Variants in SGCZ observed in about 807,000 individuals in gnomAD.
SGCZ encodes sarcoglycan zeta.
SGCZ carries 40 observed loss-of-function variants against 41.3 expected under a neutral mutation model. The observed-to-expected ratio is 0.97, with a 90% CI of 0.75 to 1.26. SGCZ has a LOEUF of 1.26. Ranked by LOEUF, SGCZ falls within the 50% of genes most tolerant of loss-of-function variation. The pLI, the probability that SGCZ is intolerant of heterozygous loss-of-function variation, is 0.00. For synonymous variants in SGCZ, 206 were observed against 137.5 expected (o/e 1.50, Z -3.49); for missense variants, 552 against 369.8 (o/e 1.49, Z -4.04).
At chr8:14,152,082 A>C (rs947421675) in intron 5 of SGCZ, among the ~76,000 whole-genome samples, 4 of 152,148 alleles carry the variant, frequency 2.6e-5, no homozygotes, top group African/African-American at 9.7e-5. Context: ...TAGGCATTGG[A>C]TCTCAAAAAT....
Position 14,919,703 on chromosome 8 carries a change from A to G in SGCZ, c.39+317882T>C, listed in dbSNP as rs1799535821. Among the ~76,000 whole-genome samples, 7 of 152,122 alleles carry G rather than the reference A, an allele frequency of 4.6e-5. No individual in the cohort carries two copies. The South Asian group carries it at 1.5e-3, about 32-fold the overall frequency. On this transcript the variant is annotated intron_variant, in intron 1 of 7. Transcript: ENST00000382080. ...GAGGACGAGGCAGGCAGATCACTTG[A>G]GTTCAGGAGTTTGAGACCAAACTGG...
chr8:14,826,061 C>T (rs1459032952), intron 1 of SGCZ, among the ~76,000 whole-genome samples: 1 of 151,070 alleles, frequency 6.6e-6, no homozygotes, highest in African/African-American at 2.4e-5. Context: ...TAGCATTAGG[C>T]ATATCTCCTA....
intron 1 of SGCZ, among the ~76,000 whole-genome samples, chr8:14,741,361 C>A (rs924194859): frequency 4.6e-5 from 7 of 151,966 alleles, no homozygotes; most frequent in African/African-American, 1.2e-4. Context: ...TACAGTAGAT[C>A]CTCACAAAGG....
At chr8:14,946,497 T>C (rs11787321) in intron 1 of SGCZ, among the ~76,000 whole-genome samples, 5,400 of 152,088 alleles carry the variant, frequency 0.036, 127 homozygotes, top group East Asian at 0.088. Flanking sequence ...ACCTGTGTAA[T>C]TGAGTTCTCC....
intron 1 of SGCZ, among the ~76,000 whole-genome samples, chr8:14,704,287 T>C (rs1809259298): frequency 6.6e-6 from 1 of 152,006 alleles, no homozygotes; most frequent in African/African-American, 2.4e-5. Flanking sequence ...ATTCAGTTTC[T>C]TTAACATAGC....
chr8:14,478,986 C>T (rs192690932), intron 2 of SGCZ, among the ~76,000 whole-genome samples: 4 of 152,326 alleles, frequency 2.6e-5, no homozygotes, highest in Non-Finnish European at 5.9e-5. Context: ...GCCCACCCCT[C>T]TAACTGTGAC....
intron 1 of SGCZ, among the ~76,000 whole-genome samples, chr8:14,838,336 A>G (rs924833092): frequency 6.6e-6 from 1 of 152,208 alleles, no homozygotes; most frequent in Non-Finnish European, 1.5e-5. Context: ...GGCTATTGAG[A>G]GACTGCCCCT....
At chr8:14,507,072 G>C (rs141024233) in intron 2 of SGCZ, among the ~76,000 whole-genome samples, 14 of 151,372 alleles carry the variant, frequency 9.2e-5, no homozygotes, top group African/African-American at 2.9e-4. Flanking sequence ...AGCTCCACTT[G>C]GATGTCAAAT....
intron 1 of SGCZ, among the ~76,000 whole-genome samples, chr8:15,131,690 G>C (rs762805131): frequency 1.2e-4 from 18 of 152,114 alleles, no homozygotes; most frequent in Non-Finnish European, 2.2e-4. Context: ...TTTTCCTGCA[G>C]AACAGTTATT....
chr8:14,480,512 G>A (rs903137915), intron 2 of SGCZ, among the ~76,000 whole-genome samples: 6 of 151,994 alleles, frequency 3.9e-5, no homozygotes, highest in African/African-American at 7.3e-5. Context: ...CCACTTTCAT[G>A]ACTTCGTTAT....
At chr8:14,260,104 G>C (rs1799603049) in intron 3 of SGCZ, among the ~76,000 whole-genome samples, 1 of 151,956 alleles carries the variant, frequency 6.6e-6, no homozygotes, top group Non-Finnish European at 1.5e-5. Flanking sequence ...TCATGATTTG[G>C]CTCTCTGTTT....
chr8:14,133,476 C>G (rs145495082), intron 5 of SGCZ, among the ~76,000 whole-genome samples: 3 of 152,212 alleles, frequency 2.0e-5, no homozygotes, highest in African/African-American at 7.2e-5. Context: ...AGACAGGTTA[C>G]AAGAGACACA....
At chr8:15,210,625 T>C (rs1801205829) in intron 1 of SGCZ, among the ~76,000 whole-genome samples, 1 of 152,150 alleles carries the variant, frequency 6.6e-6, no homozygotes, top group Non-Finnish European at 1.5e-5. Context: ...CTTTCCATCT[T>C]CCTGAATGAC....
chr8:14,900,751 G>A (rs575790579), intron 1 of SGCZ, among the ~76,000 whole-genome samples: 1 of 152,184 alleles, frequency 6.6e-6, no homozygotes, highest in Non-Finnish European at 1.5e-5. Flanking sequence ...GTCAGATAAA[G>A]ATGCAAATTG....
At chr8:15,076,902 T>C (rs76195211) in intron 1 of SGCZ, among the ~76,000 whole-genome samples, 1,854 of 152,276 alleles carry the variant, frequency 0.012, 44 homozygotes, top group African/African-American at 0.042. Flanking sequence ...AATACCATTT[T>C]GGCAAAAACC....
intron 2 of SGCZ, among the ~76,000 whole-genome samples, chr8:14,405,402 A>C (rs1799186361): frequency 6.6e-6 from 1 of 152,230 alleles, no homozygotes; most frequent in African/African-American, 2.4e-5. Flanking sequence ...AAATGCACTC[A>C]GAAAATATAA....
At chr8:14,488,064 G>A (rs1429396267) in intron 2 of SGCZ, among the ~76,000 whole-genome samples, 5 of 152,264 alleles carry the variant, frequency 3.3e-5, no homozygotes, top group Non-Finnish European at 7.3e-5. Flanking sequence ...GCTCCCAAAT[G>A]TGCAGCTCAG....
At chr8:14,696,321 T>A (rs1462277371) in intron 1 of SGCZ, among the ~76,000 whole-genome samples, 1 of 152,080 alleles carries the variant, frequency 6.6e-6, no homozygotes, top group Non-Finnish European at 1.5e-5. Context: ...ATAAAAGATG[T>A]TTACACTGAA....
At chr8:15,219,774 A>G (rs1211637398) in intron 1 of SGCZ, among the ~76,000 whole-genome samples, 1 of 152,194 alleles carries the variant, frequency 6.6e-6, no homozygotes, top group Admixed American at 6.5e-5. Context: ...ATGTCTCATT[A>G]TGAATTTGAA....
Sources: gnomAD v4.1 joint callset for allele counts (sites outside exome capture counted in the v4.1 genomes callset) on GRCh38, gnomAD v4.1.1 for gene constraint, MANE v1.5 for transcripts, NCBI Gene and HGNC (gene_info 2026-07-23, HGNC 2026-07-21) for gene names.